GRM5: variants seen among roughly 807,000 people sequenced by gnomAD.
The protein encoded by GRM5 is metabotropic glutamate receptor 5.
A neutral mutation model predicts 83.1 loss-of-function variants in GRM5; 19 were observed. That is an observed-to-expected ratio of 0.23 (90% CI 0.16 to 0.34). GRM5 has a LOEUF of 0.34. Among genes scored for constraint, GRM5 ranks in the 10% least tolerant of loss-of-function variants. The pLI, the probability that GRM5 is intolerant of heterozygous loss-of-function variation, is 1.00. For missense variants in GRM5, 1,160 were observed against 1,588.3 expected, an observed-to-expected ratio of 0.73 and a Z score of 4.58; for synonymous variants, 675 against 633.6, an observed-to-expected ratio of 1.07 and a Z score of -0.98.
intron 3 of GRM5, among the ~76,000 whole-genome samples, chr11:88,719,106 C>T (rs968538636): frequency 1.3e-5 from 2 of 151,622 alleles, no homozygotes; most frequent in African/African-American, 4.8e-5. Context: ...GGTACAAGTG[C>T]AGGTTTGTTA....
In GRM5 at chr11:88,886,816, T is replaced by C. The variant is rs1318192919; in HGVS notation, c.662-36661A>G. Reference sequence around the variant, plus strand: ...TGTATGCAATGTATGGGAAATTTTATAGTTCAGGGAGGTAATCTTGTTTGG... The same window carrying C: ...TGTATGCAATGTATGGGAAATTTTACAGTTCAGGGAGGTAATCTTGTTTGG... On this transcript the variant is annotated intron_variant, in intron 2 of 9. Transcript: ENST00000305447. 2.0e-5 allele frequency among the ~76,000 whole-genome samples: 3 copies of C among 152,178 alleles called. No homozygotes were observed. In the East Asian group the frequency reaches 5.8e-4, roughly 29 times the overall value.
intron 3 of GRM5, among the ~76,000 whole-genome samples, chr11:88,720,558 A>T (rs993329679): frequency 6.6e-6 from 1 of 152,050 alleles, no homozygotes; most frequent in Non-Finnish European, 1.5e-5. Context: ...CACAAATCAT[A>T]GTCAAAACAG....
chr11:88,578,717 C>A (rs142416275), intron 7 of GRM5, among the ~76,000 whole-genome samples: 2 of 151,890 alleles, frequency 1.3e-5, no homozygotes, highest in African/African-American at 4.8e-5. Context: ...AGTTAATGAA[C>A]GTTGAGAAAT....
intron 8 of GRM5, among the ~76,000 whole-genome samples, chr11:88,565,217 T>G (rs1942850094): frequency 6.6e-6 from 1 of 152,252 alleles, no homozygotes; most frequent in Non-Finnish European, 1.5e-5. Flanking sequence ...TTAATCCCAG[T>G]GCTCTCCAGC....
chr11:88,527,595 T>C (rs1044327532), intron 8 of GRM5, among the ~76,000 whole-genome samples: 1 of 152,180 alleles, frequency 6.6e-6, no homozygotes, highest in Non-Finnish European at 1.5e-5. Flanking sequence ...ACTGGTCATA[T>C]ACCTAAAGGA....
At chr11:88,780,623 T>A (rs1187592294) in intron 3 of GRM5, among the ~76,000 whole-genome samples, 2 of 152,160 alleles carry the variant, frequency 1.3e-5, no homozygotes, top group African/African-American at 4.8e-5. Context: ...ACAAACAAAA[T>A]GTCCATGAAA....
At chr11:88,560,934 A>C (rs1942740299) in intron 8 of GRM5, among the ~76,000 whole-genome samples, 1 of 152,182 alleles carries the variant, frequency 6.6e-6, no homozygotes. Context: ...TACATAATAA[A>C]TGCTCCAAGA....
At chr11:89,036,208 C>T (rs1204449385) in intron 2 of GRM5, among the ~76,000 whole-genome samples, 1 of 152,012 alleles carries the variant, frequency 6.6e-6, no homozygotes, top group South Asian at 2.1e-4. Context: ...AGCATAATGC[C>T]TCTCAACATA....
chr11:89,009,918 A>AAAAAAAAAAAAC (rs1940646004), intron 2 of GRM5, among the ~76,000 whole-genome samples: 1 of 136,184 alleles, frequency 7.3e-6, no homozygotes, highest in African/African-American at 3.2e-5. Context: ...AAAAAAAAAA[A>AAAAAAAAAAAAC]AAAAAAAAAA....
At chr11:88,864,729 T>A (rs1174855065) in intron 2 of GRM5, among the ~76,000 whole-genome samples, 12 of 152,068 alleles carry the variant, frequency 7.9e-5, no homozygotes, top group Admixed American at 6.6e-4. Context: ...AGAGAGGGCA[T>A]CCTTGTCTTG....
At chr11:88,956,940 G>A (rs1202355790) in intron 2 of GRM5, among the ~76,000 whole-genome samples, 17 of 151,430 alleles carry the variant, frequency 1.1e-4, no homozygotes, top group Non-Finnish European at 1.2e-4. Context: ...GTTATTGTGA[G>A]AACTTAGGAA....
intron 3 of GRM5, among the ~76,000 whole-genome samples, chr11:88,798,818 A>AAAAAAAAAAAAAAAAAAAT: frequency 7.0e-6 from 1 of 143,578 alleles, no homozygotes; most frequent in African/African-American, 2.6e-5. Context: ...AAAAAAAAAA[A>AAAAAAAAAAAAAAAAAAAT]AAAAAAAAAC....
intron 2 of GRM5, among the ~76,000 whole-genome samples, chr11:88,921,927 C>A (rs1462332389): frequency 4.6e-5 from 6 of 129,294 alleles, no homozygotes; most frequent in Admixed American, 2.9e-4. Flanking sequence ...ACAAAAAAAA[C>A]CGTATTTCTA....
intron 4 of GRM5, among the ~76,000 whole-genome samples, chr11:88,630,863 C>A (rs1375930482): frequency 6.6e-6 from 1 of 152,166 alleles, no homozygotes; most frequent in Non-Finnish European, 1.5e-5. Context: ...CAGGCATGAG[C>A]CACTGTGCCC....
intron 7 of GRM5, among the ~76,000 whole-genome samples, chr11:88,576,846 GA>G (rs1943122045): frequency 6.6e-6 from 1 of 152,074 alleles, no homozygotes; most frequent in South Asian, 2.1e-4. Flanking sequence ...CACATAATAG[GA>G]GCTATAATTT....
intron 2 of GRM5, among the ~76,000 whole-genome samples, chr11:89,044,867 A>C (rs1045271090): frequency 6.6e-6 from 1 of 151,062 alleles, no homozygotes; most frequent in African/African-American, 2.4e-5. Flanking sequence ...AAAAAAAAGC[A>C]TGACCTTAGA....
intron 3 of GRM5, among the ~76,000 whole-genome samples, chr11:88,838,084 CAAAAAA>C (rs1157680177): frequency 1.3e-4 from 7 of 55,452 alleles, no homozygotes; most frequent in South Asian, 1.3e-3. Flanking sequence ...GACTCCATCT[CAAAAAA>C]AAAAAAAAAA....
intron 3 of GRM5, among the ~76,000 whole-genome samples, chr11:88,818,189 A>G (rs1943724106): frequency 6.6e-6 from 1 of 152,126 alleles, no homozygotes; most frequent in South Asian, 2.1e-4. Flanking sequence ...CTTGATTTTT[A>G]TAATGCCTTG....
intron 2 of GRM5, among the ~76,000 whole-genome samples, chr11:88,882,550 G>A (rs1205720782): frequency 2.1e-5 from 3 of 144,840 alleles, no homozygotes; most frequent in African/African-American, 7.5e-5. Flanking sequence ...AAAAGAGCGA[G>A]ACTCTGTCTC....
Sources: allele counts gnomAD v4.1 joint callset (sites outside exome capture counted in the v4.1 genomes callset), GRCh38; gene constraint gnomAD v4.1.1; transcripts MANE v1.5; gene names NCBI Gene and HGNC (gene_info 2026-07-23, HGNC 2026-07-21).